The following KAZN variants were observed in gnomAD, a reference collection of about 807,000 sequenced individuals.
The protein encoded by KAZN is kazrin, periplakin interacting protein, also known as kazrin.
In KAZN, 40 loss-of-function variants were observed where a neutral mutation model predicts 87.4. The ratio of observed to expected loss-of-function variants is 0.46; its 90% CI spans 0.36 to 0.60. KAZN has a LOEUF of 0.60. KAZN is among the 20% of genes least tolerant of loss of function. The pLI, the probability that KAZN is intolerant of heterozygous loss-of-function variation, is 0.00. For missense variants in KAZN, 898 were observed against 1,073.9 expected (o/e 0.84, Z 2.29); for synonymous variants, 466 against 458.3 (o/e 1.02, Z -0.22).
chr1:14,252,554 A>C (rs1373066546), intron 2 of KAZN, among the ~76,000 whole-genome samples: 1 of 151,958 alleles, frequency 6.6e-6, no homozygotes, highest in Non-Finnish European at 1.5e-5. Flanking sequence ...AACTCAGGCA[A>C]CTCATGCTCT....
intron 3 of KAZN, among the ~76,000 whole-genome samples, chr1:15,040,111 G>A (rs186940292): frequency 6.6e-6 from 1 of 152,294 alleles, no homozygotes; most frequent in East Asian, 1.9e-4. Flanking sequence ...ACTGAGGTCC[G>A]CAAGGGTCAA....
At chr1:15,038,255 A>G (rs1324532747) in intron 3 of KAZN, among the ~76,000 whole-genome samples, 2 of 151,308 alleles carry the variant, frequency 1.3e-5, no homozygotes, top group Admixed American at 1.3e-4. Flanking sequence ...CCTTATCTCA[A>G]AAAAAGAAAA....
chr1:14,400,880 C>T (rs753320615), intron 2 of KAZN, among the ~76,000 whole-genome samples: 1 of 152,226 alleles, frequency 6.6e-6, no homozygotes, highest in Admixed American at 6.5e-5. Context: ...ACATTCCTAT[C>T]TGCCGTGTGT....
intron 1 of KAZN, among the ~76,000 whole-genome samples, chr1:14,733,618 A>G (rs1032173436): frequency 1.3e-5 from 2 of 151,760 alleles, no homozygotes; most frequent in African/African-American, 4.8e-5. Flanking sequence ...GAGCAGTTCA[A>G]GTGTTGGAGG....
At chr1:15,040,695 T>C (rs1489037692) in intron 3 of KAZN, among the ~76,000 whole-genome samples, 3 of 151,298 alleles carry the variant, frequency 2.0e-5, no homozygotes, top group Non-Finnish European at 1.5e-5. Context: ...GGACCCGGGA[T>C]GCAGAGGTTG....
intron 2 of KAZN, among the ~76,000 whole-genome samples, chr1:14,317,438 C>T (rs749048062): frequency 2.2e-4 from 34 of 151,884 alleles, no homozygotes; most frequent in Non-Finnish European, 4.9e-4. Context: ...ATTTCTTGTA[C>T]ATAATACATA....
intron 2 of KAZN, among the ~76,000 whole-genome samples, chr1:14,284,141 A>C (rs939038756): frequency 5.9e-5 from 9 of 151,420 alleles, no homozygotes; most frequent in African/African-American, 1.9e-4. Flanking sequence ...ATGAGGGGGG[A>C]ATGGGGAGTG....
chr1:14,231,466 G>A (rs993654272), intron 2 of KAZN, among the ~76,000 whole-genome samples: 2 of 152,060 alleles, frequency 1.3e-5, no homozygotes, highest in East Asian at 1.9e-4. Context: ...GGCCCATGCC[G>A]CCAGCATAGG....
intron 2 of KAZN, among the ~76,000 whole-genome samples, chr1:14,202,181 A>T (rs1646653725): frequency 6.6e-6 from 1 of 152,166 alleles, no homozygotes; most frequent in Non-Finnish European, 1.5e-5. Flanking sequence ...TGGAGGCAGG[A>T]TTAGAACCAA....
chr1:15,058,960 TGTG>T (rs1397853525), intron 5 of KAZN, among the ~76,000 whole-genome samples: 1 of 152,008 alleles, frequency 6.6e-6, no homozygotes, highest in Non-Finnish European at 1.5e-5. Context: ...AAGCAGAGGT[TGTG>T]GCGAGCAAAG....
intron 1 of KAZN, among the ~76,000 whole-genome samples, chr1:13,983,513 G>A (rs1395740760): frequency 6.6e-6 from 1 of 152,200 alleles, no homozygotes; most frequent in African/African-American, 2.4e-5. Flanking sequence ...CGCAAGCACG[G>A]CACACAGCCC....
chr1:14,428,465 A>C (rs1665865833), intron 2 of KAZN, among the ~76,000 whole-genome samples: 1 of 152,256 alleles, frequency 6.6e-6, no homozygotes, highest in Non-Finnish European at 1.5e-5. Context: ...CAAGAATTTG[A>C]TACAAATAAT....
intron 2 of KAZN, among the ~76,000 whole-genome samples, chr1:14,575,071 C>T (rs371080027): frequency 1.1e-4 from 17 of 152,006 alleles, no homozygotes; most frequent in African/African-American, 3.6e-4. Context: ...TTATTTCACA[C>T]GAAGGAATTT....
intron 1 of KAZN, among the ~76,000 whole-genome samples, chr1:13,919,795 A>G (rs192202601): frequency 1.3e-5 from 2 of 152,264 alleles, no homozygotes; most frequent in East Asian, 3.9e-4. Context: ...ATGAGCAGAA[A>G]CTTCCAATTT....
At chr1:14,527,387 A>G (rs1671931842) in intron 2 of KAZN, among the ~76,000 whole-genome samples, 1 of 152,116 alleles carries the variant, frequency 6.6e-6, no homozygotes. Context: ...CGTCTCTACT[A>G]AAAATGCAAA....
intron 1 of KAZN, among the ~76,000 whole-genome samples, chr1:14,695,587 C>A (rs554064068): frequency 2.0e-5 from 3 of 147,414 alleles, no homozygotes; most frequent in Admixed American, 1.4e-4. Context: ...CTCATTGCAA[C>A]CTCTGCCTCC....
intron 1 of KAZN, among the ~76,000 whole-genome samples, chr1:14,747,780 TCA>T (rs1369245475): frequency 1.3e-5 from 2 of 152,352 alleles, no homozygotes; most frequent in East Asian, 1.9e-4. Flanking sequence ...TGAGAAATTT[TCA>T]CAGTGTTTTC....
intron 1 of KAZN, among the ~76,000 whole-genome samples, chr1:14,047,855 G>C (rs1444000798): frequency 6.7e-6 from 1 of 148,578 alleles, no homozygotes; most frequent in East Asian, 2.0e-4. Flanking sequence ...GTGACAGAGT[G>C]AGACTCGGGA....
chr1:14,158,960 A>G (rs1645652255), intron 1 of KAZN, among the ~76,000 whole-genome samples: 1 of 151,998 alleles, frequency 6.6e-6, no homozygotes, highest in African/African-American at 2.4e-5. Flanking sequence ...CAGTGAATTG[A>G]GTCTCTTTCT....
Sources: allele counts gnomAD v4.1 joint callset (sites outside exome capture counted in the v4.1 genomes callset), GRCh38; gene constraint gnomAD v4.1.1; transcripts MANE v1.5; gene names NCBI Gene and HGNC (gene_info 2026-07-23, HGNC 2026-07-21).